Variants in OCA2 observed in about 807,000 individuals in gnomAD.
OCA2 encodes the protein P protein.
Under a neutral mutation model 100.2 loss-of-function variants are expected in OCA2, and 77 were observed. The observed-to-expected ratio is 0.77, with a 90% CI of 0.64 to 0.93. The LOEUF is 0.93. Ranked by LOEUF, OCA2 falls within the 40% of genes least tolerant of loss-of-function variation. The pLI is 0.00. For missense variants in OCA2, 1,062 were observed against 1,089.1 expected, an observed-to-expected ratio of 0.98 and a Z score of 0.35; for synonymous variants, 432 against 439.2, an observed-to-expected ratio of 0.98 and a Z score of 0.21.
chr15:28,013,290 C>T (rs954206352), intron 9 of OCA2, among the ~76,000 whole-genome samples: 1 of 152,082 alleles, frequency 6.6e-6, no homozygotes, highest in Non-Finnish European at 1.5e-5. Flanking sequence ...TTCTACAGAA[C>T]AACAGAATAG....
chr15:27,926,704 C>T (rs2039055772), intron 18 of OCA2, among the ~76,000 whole-genome samples: 1 of 152,138 alleles, frequency 6.6e-6, no homozygotes, highest in South Asian at 2.1e-4. Flanking sequence ...CAACCTCCAC[C>T]TCCCAGGCTC....
intron 6 of OCA2, among the ~76,000 whole-genome samples, chr15:28,019,314 A>C (rs947411193): frequency 2.6e-5 from 4 of 151,416 alleles, no homozygotes; most frequent in African/African-American, 9.7e-5. Context: ...AAGAGCAGGA[A>C]GGGAGGGAGG....
intron 3 of OCA2, among the ~76,000 whole-genome samples, chr15:28,031,727 G>A (rs2042911842): frequency 6.6e-6 from 1 of 152,174 alleles, no homozygotes; most frequent in African/African-American, 2.4e-5. Context: ...AAGCATCTCA[G>A]CCCTCAGTGT....
intron 23 of OCA2, among the ~76,000 whole-genome samples, chr15:27,776,974 T>TGGGGGG (rs368182175): frequency 1.9e-4 from 8 of 42,954 alleles, no homozygotes; most frequent in Non-Finnish European, 2.9e-4. Flanking sequence ...GAGCGTGAGG[T>TGGGGGG]GGGGGGGGGT....
rs139110531 is a variant in OCA2 at position 27,981,938 on chromosome 15, G to A, written c.1503+1407C>T. 4.7e-3 allele frequency among the ~76,000 whole-genome samples: 717 copies of A among 152,330 alleles called. 1 individual carries two copies. The highest frequency in any genetic ancestry group is 6.2e-3 in the Non-Finnish European group (419 of 68,032). ...GCACTCTGGAAGCTCTCTTGAGGTA[G>A]TGAGCTGGAGCAGTCATAGAGCTCA... On this transcript the variant is annotated intron_variant, in intron 14 of 23. Coordinates refer to ENST00000354638, the MANE Select transcript of OCA2 (RefSeq NM_000275.3).
At chr15:27,771,002 T>C (rs1432463289) in intron 23 of OCA2, among the ~76,000 whole-genome samples, 1 of 134,422 alleles carries the variant, frequency 7.4e-6, no homozygotes, top group Non-Finnish European at 1.6e-5. Flanking sequence ...TTCCCTTCCT[T>C]CCTTCCCTTC....
intron 19 of OCA2, among the ~76,000 whole-genome samples, chr15:27,898,188 T>C (rs2037785830): frequency 6.6e-6 from 1 of 152,160 alleles, no homozygotes; most frequent in African/African-American, 2.4e-5. Flanking sequence ...AGTTAAGACT[T>C]TGGGGAACTG....
the OCA2 span, among the ~76,000 whole-genome samples, chr15:27,744,973 T>C: frequency 6.6e-6 from 1 of 152,178 alleles, no homozygotes; most frequent in Non-Finnish European, 1.5e-5. Context: ...AACCTGACTC[T>C]AGTGCAGCAT....
intron 22 of OCA2, among the ~76,000 whole-genome samples, chr15:27,851,011 GA>G (rs1281500213): frequency 6.6e-6 from 1 of 152,160 alleles, no homozygotes; most frequent in Non-Finnish European, 1.5e-5. Context: ...CCTTCTAGCT[GA>G]CCCATTTGTC....
chr15:28,036,841 C>G (rs74007904), intron 2 of OCA2, among the ~76,000 whole-genome samples: 15,006 of 152,002 alleles, frequency 0.099, 2,334 homozygotes, highest in African/African-American at 0.33. Context: ...GGGTACCAGG[C>G]ATGGAGGAAG....
intron 2 of OCA2, among the ~76,000 whole-genome samples, chr15:28,062,775 A>T: frequency 1.3e-5 from 2 of 152,138 alleles, no homozygotes; most frequent in East Asian, 3.9e-4. Context: ...TTGCATGTGG[A>T]TAGCCAGTTA....
At chr15:27,772,188 T>G (rs1178924877) in intron 23 of OCA2, among the ~76,000 whole-genome samples, 1 of 152,226 alleles carries the variant, frequency 6.6e-6, no homozygotes, top group African/African-American at 2.4e-5. Context: ...TGACCTTCCT[T>G]TAAAACAATA....
intron 18 of OCA2, among the ~76,000 whole-genome samples, chr15:27,943,834 T>C (rs779534274): frequency 2.0e-5 from 3 of 152,188 alleles, no homozygotes; most frequent in Non-Finnish European, 4.4e-5. Flanking sequence ...TCCTGCCCCC[T>C]GCTTCGAGTT....
chr15:27,767,793 C>T (rs1015222888), intron 23 of OCA2, among the ~76,000 whole-genome samples: 7 of 152,204 alleles, frequency 4.6e-5, no homozygotes, highest in Non-Finnish European at 1.0e-4. Context: ...AAGCTGGCCA[C>T]CCCAGCCAGC....
intron 23 of OCA2, among the ~76,000 whole-genome samples, chr15:27,823,322 G>C (rs2034576212): frequency 6.6e-6 from 1 of 152,164 alleles, no homozygotes; most frequent in African/African-American, 2.4e-5. Flanking sequence ...TAATGAAGAA[G>C]AAAGAGGGAA....
At chr15:27,895,042 T>A (rs1414307055) in intron 19 of OCA2, among the ~76,000 whole-genome samples, 3 of 152,276 alleles carry the variant, frequency 2.0e-5, no homozygotes, top group South Asian at 2.1e-4. Context: ...GATGCTGGCA[T>A]TTGTAGCTAG....
chr15:27,817,799 G>C (rs2034360163), intron 23 of OCA2, among the ~76,000 whole-genome samples: 1 of 152,162 alleles, frequency 6.6e-6, no homozygotes, highest in African/African-American at 2.4e-5. Flanking sequence ...AGAAGGGTTT[G>C]CATATAAACT....
intron 2 of OCA2, among the ~76,000 whole-genome samples, chr15:28,069,335 A>G (rs2044122749): frequency 6.8e-6 from 1 of 147,158 alleles, no homozygotes; most frequent in South Asian, 2.2e-4. Flanking sequence ...TACACTAGCC[A>G]CAAAGAAAAT....
chr15:27,795,059 C>G (rs905242137), intron 23 of OCA2, among the ~76,000 whole-genome samples: 1 of 152,124 alleles, frequency 6.6e-6, no homozygotes, highest in African/African-American at 2.4e-5. Context: ...TGTTAATCAC[C>G]GAGTGGCTTA....
Sources: allele counts gnomAD v4.1 joint callset (sites outside exome capture counted in the v4.1 genomes callset), GRCh38; gene constraint gnomAD v4.1.1; transcripts MANE v1.5; gene names NCBI Gene and HGNC (gene_info 2026-07-23, HGNC 2026-07-21).